CUX1: variants seen among roughly 807,000 people sequenced by gnomAD.
CUX1 encodes the protein cut like homeobox 1.
CUX1 carries 31 observed loss-of-function variants against 158.8 expected under a neutral mutation model. The observed-to-expected ratio is 0.20, with a 90% confidence interval of 0.15 to 0.26. The LOEUF (loss-of-function observed/expected upper bound fraction) is 0.26, where lower values mean the gene tolerates loss of function less well. Ranked by LOEUF, CUX1 falls within the 10% of genes least tolerant of loss-of-function variation. CUX1 has a pLI of 1.00. For synonymous variants in CUX1, 879 were observed against 862.1 expected (o/e 1.02, Z -0.34); for missense variants, 1,589 against 2,014.6 (o/e 0.79, Z 4.04).
At chr7:102,195,702 G>A in intron 14 of CUX1, 99 bp downstream of exon 14, 1 of 1,063,332 alleles carries the variant, frequency 9.4e-7, no homozygotes, top group Non-Finnish European at 1.3e-6. Flanking sequence ...CAGATGCATG[G>A]CCAGAGAAGC....
intron 3 of CUX1, among the ~76,000 whole-genome samples, chr7:102,055,170 CGTAA>C (rs1227575463): frequency 6.6e-6 from 1 of 151,476 alleles, no homozygotes; most frequent in Non-Finnish European, 1.5e-5. Context: ...CAAATTTATT[CGTAA>C]GTATTTTATA....
At chr7:101,955,412 T>G (rs1206950741) in intron 2 of CUX1, among the ~76,000 whole-genome samples, 1 of 152,216 alleles carries the variant, frequency 6.6e-6, no homozygotes, top group East Asian at 1.9e-4. Flanking sequence ...TGAGGAGGCA[T>G]AATAATATCA....
chr7:101,978,171 GA>G (rs1223227254), intron 2 of CUX1, among the ~76,000 whole-genome samples: 1 of 152,082 alleles, frequency 6.6e-6, no homozygotes, highest in Non-Finnish European at 1.5e-5. Context: ...TCCACAGAAG[GA>G]TGGCGTCTAT....
At position 102,178,670 on chromosome 7, in the gene CUX1, C is replaced by G. The variant is rs372080912; in HGVS notation, c.1017+13C>G. The G allele has an allele frequency of 5.0e-5, 80 of 1,595,972 alleles. No individual in the cohort carries two copies. Among genetic ancestry groups the G allele is most frequent in the Non-Finnish European group, 6.4e-5 (75 of 1,170,458 alleles). On this transcript the variant is annotated intron_variant, in intron 11 of 23. Transcript: ENST00000292535. ...CAGCACACTCAAAGTAAGGGGGCTG[C>G]GGGGCCCGGGGGTGGCCCGAGGAGG...
intron 20 of CUX1, among the ~76,000 whole-genome samples, chr7:102,220,756 C>T (rs1554526662): frequency 6.6e-6 from 1 of 152,162 alleles, no homozygotes; most frequent in African/African-American, 2.4e-5. Flanking sequence ...TTCCTCTCCT[C>T]CAGGGCTCCC....
chr7:102,279,675 G>T (rs1204666069), intron 18 of CUX1, among the ~76,000 whole-genome samples: 2 of 152,148 alleles, frequency 1.3e-5, no homozygotes, highest in African/African-American at 4.8e-5. Context: ...CCTGGCTCTG[G>T]GTGGCCAGCT....
chr7:101,928,971 C>T (rs1805974934), intron 2 of CUX1, among the ~76,000 whole-genome samples: 1 of 151,924 alleles, frequency 6.6e-6, no homozygotes, highest in South Asian at 2.1e-4. Flanking sequence ...CACCCGGCCA[C>T]AAATGGACTT....
In CUX1 at chr7:102,121,621, C is replaced by T. The variant is rs192894788; in HGVS notation, c.674+6348C>T. 2.6e-5 allele frequency among the ~76,000 whole-genome samples: 4 copies of T among 152,256 alleles called. No homozygotes were observed. In the East Asian group the frequency reaches 7.7e-4, roughly 29 times the overall value. ...TTGGCCTCCTGAAGTGCTGGGATGA[C>T]AGGTGTGAGCAGCTGGGATGGATAC... On this transcript the variant is annotated intron_variant, in intron 8 of 23. Transcript: ENST00000292535.
At chr7:101,931,913 A>C (rs1283617506) in intron 2 of CUX1, among the ~76,000 whole-genome samples, 1 of 152,130 alleles carries the variant, frequency 6.6e-6, no homozygotes, top group Non-Finnish European at 1.5e-5. Context: ...AAATTTGTAG[A>C]TTTGGAGAGG....
intron 1 of CUX1, among the ~76,000 whole-genome samples, chr7:101,915,051 C>T (rs1804021108): frequency 6.6e-6 from 1 of 152,112 alleles, no homozygotes; most frequent in South Asian, 2.1e-4. Flanking sequence ...TTCAGCTCTG[C>T]TTGGACTCAG....
intron 20 of CUX1, among the ~76,000 whole-genome samples, chr7:102,215,674 A>C (rs560730951): frequency 6.6e-6 from 1 of 152,324 alleles, no homozygotes; most frequent in Admixed American, 6.5e-5. Context: ...GGAAGACGAA[A>C]ATCTCAACTT....
chr7:101,887,709 G>A (rs1424307180), intron 1 of CUX1, among the ~76,000 whole-genome samples: 1 of 152,134 alleles, frequency 6.6e-6, no homozygotes, highest in Admixed American at 6.5e-5. Context: ...TACACCCTGT[G>A]GACAGGGCAG....
At chr7:102,070,438 C>A in intron 4 of CUX1, 21 bp downstream of exon 4, 1 of 1,587,784 alleles carries the variant, frequency 6.3e-7, no homozygotes, top group Admixed American at 1.8e-5. Context: ...GCAGTAATGG[C>A]CCACCAGTGG....
intron 2 of CUX1, among the ~76,000 whole-genome samples, chr7:102,026,411 T>C (rs1030369132): frequency 2.6e-5 from 4 of 152,212 alleles, no homozygotes; most frequent in African/African-American, 2.4e-5. Flanking sequence ...AGAAGACTTT[T>C]TCATCTGGGA....
intron 23 of CUX1, among the ~76,000 whole-genome samples, chr7:102,246,503 A>G (rs1194424072): frequency 6.6e-6 from 1 of 152,118 alleles, no homozygotes; most frequent in African/African-American, 2.4e-5. Flanking sequence ...AAGCTACAGT[A>G]GGATCTTCCC....
chr7:102,272,542 G>A (rs1269219535), intron 14 of CUX1, among the ~76,000 whole-genome samples: 1 of 152,220 alleles, frequency 6.6e-6, no homozygotes, highest in South Asian at 2.1e-4. Context: ...GGACCAGAAA[G>A]GGGGATCCAG....
At chr7:102,214,808 C>G (rs1416973443) in intron 20 of CUX1, among the ~76,000 whole-genome samples, 4 of 152,226 alleles carry the variant, frequency 2.6e-5, no homozygotes, top group Non-Finnish European at 5.9e-5. Flanking sequence ...ATCGGGGCCT[C>G]CTCTAGATTT....
intron 8 of CUX1, among the ~76,000 whole-genome samples, chr7:102,145,462 C>T (rs1834933486): frequency 6.6e-6 from 1 of 151,574 alleles, no homozygotes; most frequent in South Asian, 2.1e-4. Flanking sequence ...GAGCGCTCAC[C>T]AGAAGAGAAA....
At chr7:102,278,128 C>A in intron 18 of CUX1, 3 of 1,244,062 alleles carry the variant, frequency 2.4e-6, no homozygotes, top group Non-Finnish European at 3.5e-6. Context: ...CCGATCAGGG[C>A]TCTGGAGATG....
Sources: allele counts gnomAD v4.1 joint callset (sites outside exome capture counted in the v4.1 genomes callset), GRCh38; gene constraint gnomAD v4.1.1; transcripts MANE v1.5; gene names NCBI Gene and HGNC (gene_info 2026-07-23, HGNC 2026-07-21).